The following NTRK1 variants were observed in gnomAD, a reference collection of about 807,000 sequenced individuals.
NTRK1 encodes high affinity nerve growth factor receptor.
In NTRK1, 62 loss-of-function variants were observed where a neutral mutation model predicts 86.8. The ratio of observed to expected loss-of-function variants is 0.71; its 90% CI spans 0.58 to 0.88. NTRK1 has a LOEUF of 0.88. Among genes scored for constraint, NTRK1 ranks in the 40% least tolerant of loss-of-function variants. The pLI is 0.00. For synonymous variants in NTRK1, 469 were observed against 456.6 expected, an observed-to-expected ratio of 1.03 and a Z score of -0.35; for missense variants, 967 against 1,078.4, an observed-to-expected ratio of 0.90 and a Z score of 1.45.
chr1:156,874,756 A>G (rs1571697413), intron 10 of NTRK1, 130 bp downstream of exon 10: 13 of 1,206,232 alleles, frequency 1.1e-5, no homozygotes, highest in Non-Finnish European at 1.6e-5. Flanking sequence ...GGCCACCCGC[A>G]CAGCCACTGC....
rs771963500 is a variant in NTRK1, at chr1:156,842,182, G to A, written c.39G>A (p.Leu13=). Residue 13 remains leucine, a synonymous_variant, in exon 2 of 17, where the codon TTG becomes TTA. Coordinates refer to the NTRK1 transcript ENST00000392302. Reference sequence around the variant, plus strand: ...CTGCTAGATCTCGGTGCACAAACTTGTTGGCAGCAAGGTAGGCCATGCCGT... The same window carrying A: ...CTGCTAGATCTCGGTGCACAAACTTATTGGCAGCAAGGTAGGCCATGCCGT... 21 of 1,613,902 alleles carry A rather than the reference G, an allele frequency of 1.3e-5. No individual in the cohort carries two copies. In the Admixed American group the frequency reaches 3.3e-4, roughly 26 times the overall value.
intron 1 of NTRK1, among the ~76,000 whole-genome samples, chr1:156,823,831 G>A (rs1193037464): frequency 6.6e-6 from 1 of 152,162 alleles, no homozygotes; most frequent in African/African-American, 2.4e-5. Flanking sequence ...TACAGGTGGC[G>A]GAAAGGAAAG....
chr1:156,869,016 CTCCCT>C (rs1199046117), intron 6 of NTRK1, among the ~76,000 whole-genome samples: 21,825 of 122,322 alleles, frequency 0.18, 3,875 homozygotes, highest in African/African-American at 0.21. Flanking sequence ...ACTTTTCTCT[CTCCCT>C]TCCTTCCTTC....
At chr1:156,840,427 GA>G (rs149230487) in intron 1 of NTRK1, 26,724 of 163,122 alleles carry the variant, frequency 0.16, 2,851 homozygotes, top group Non-Finnish European at 0.22. Context: ...CAGTCATGTG[GA>G]GCCCCACCCC....
intron 2 of NTRK1, chr1:156,846,649 C>A (rs1655022966): frequency 6.2e-7 from 1 of 1,614,162 alleles, no homozygotes; most frequent in Non-Finnish European, 8.5e-7. Flanking sequence ...AGGCTAGGGT[C>A]ACCCCTGGCT....
chr1:156,879,159 G>C lies in NTRK1; in HGVS notation c.1843G>C (p.Glu615Gln), dbSNP rs149663928. The C allele has an allele frequency of 6.2e-6, 10 of 1,613,742 alleles. No individual in the cohort carries two copies. Among genetic ancestry groups the C allele is most frequent in the Non-Finnish European group, 8.5e-6 (10 of 1,179,844 alleles). ...GPDAKLLAGG[E>Q]DVAPGPLGLG... is the part of the protein sequence containing the mutation. ...TGATGCCAAGCTGCTGGCTGGTGGG[G>C]AGGATGTGGCTCCAGGCCCCCTGGG... The change falls in exon 15 of 17, where the codon GAG becomes CAG. Residue 615 changes from glutamate to glutamine, a missense_variant. Physicochemically the swap from Glu to Gln is conservative, Grantham distance 29. This residue lies in a region of NTRK1 where 637 missense variants were observed against 776.5 expected (regional missense o/e 0.82). Transcript: ENST00000524377.
At chr1:156,866,783 G>T in intron 3 of NTRK1, 127 bp from the exon 4 acceptor site, 1 of 986,210 alleles carries the variant, frequency 1.0e-6, no homozygotes, top group Non-Finnish European at 1.6e-6. Flanking sequence ...GGCTGGTTCT[G>T]GTTGCCTAGG....
At chr1:156,874,803 C>A (rs2102911337) in intron 10 of NTRK1, 103 bp from the exon 11 acceptor site, 1 of 1,189,700 alleles carries the variant, frequency 8.4e-7, no homozygotes, top group Non-Finnish European at 1.3e-6. Context: ...GGTCTGGAGA[C>A]CTGGCTCCGG....
intron 2 of NTRK1, chr1:156,849,172 G>A: frequency 1.2e-6 from 2 of 1,601,218 alleles, no homozygotes; most frequent in East Asian, 2.2e-5. Context: ...TCCCCCTCGA[G>A]CTTTCTCCCT....
At chr1:156,817,335 T>C (rs1011063207) in intron 1 of NTRK1, among the ~76,000 whole-genome samples, 2 of 151,918 alleles carry the variant, frequency 1.3e-5, no homozygotes, top group Non-Finnish European at 2.9e-5. Flanking sequence ...GTAATCCCAG[T>C]ACTTTGGGAG....
At chr1:156,834,037 G>A (rs911466716) in intron 1 of NTRK1, among the ~76,000 whole-genome samples, 14 of 152,296 alleles carry the variant, frequency 9.2e-5, no homozygotes, top group African/African-American at 3.1e-4. Context: ...TTTCACACCA[G>A]TAAAGTCAAT....
Position 156,830,605 on chromosome 1 carries a change from G to GGA in NTRK1, c.-63-11474_-63-11473dup, listed in dbSNP as rs577869941. 3.4e-5 allele frequency among the ~76,000 whole-genome samples: 5 copies of GGA among 144,982 alleles called. No homozygotes were observed. The Admixed American group carries it at 3.5e-4, about 10-fold the overall frequency. On this transcript the variant is annotated intron_variant, in intron 1 of 16. Transcript: ENST00000392302. Reference sequence around the variant, plus strand: ...AGAGTCTCGCTCTGTTACCCAGGCTGGAGTGAAGTGGCGTGATCTCTGCTC... The same window carrying GGA: ...AGAGTCTCGCTCTGTTACCCAGGCTGGAGAGTGAAGTGGCGTGATCTCTGCTC...
In NTRK1 at chr1:156,852,158, G is replaced by T. The variant is rs566924575; in HGVS notation, c.50+9965G>T. The stretch of plus-strand genomic sequence containing the variant: ...TTCGGTGTGGCAGCACTCGCCCCTC[G>T]CTGTGCAAGCCATCCCATGGGGGCA... On this transcript the variant is annotated intron_variant, in intron 2 of 16. Coordinates refer to the NTRK1 transcript ENST00000392302. 27 of 1,608,106 alleles carry T rather than the reference G, an allele frequency of 1.7e-5. No homozygotes were observed. In the East Asian group the frequency reaches 5.1e-4, roughly 31 times the overall value.
At chr1:156,820,530 A>G (rs1654156410) in intron 1 of NTRK1, among the ~76,000 whole-genome samples, 1 of 152,196 alleles carries the variant, frequency 6.6e-6, no homozygotes, top group Admixed American at 6.5e-5. Flanking sequence ...TACAGGCGTG[A>G]GCCACCACAT....
rs753397054 is a variant in NTRK1, at chr1:156,881,552, G to A, written c.2301G>A (p.Glu767=). Residue 767 remains glutamate (E), a synonymous_variant, in exon 17 of 17, where the codon GAG becomes GAA. Coordinates refer to ENST00000524377, the MANE Select transcript of NTRK1 (RefSeq NM_002529.4). The stretch of plus-strand genomic sequence containing the variant: ...TCATGCGGGGCTGCTGGCAGCGGGA[G>A]CCCCAGCAACGCCACAGCATCAAGG... ...YAIMRGCWQR[E]PQQRHSIKDV... 4 of 1,609,764 alleles carry A rather than the reference G, an allele frequency of 2.5e-6. No homozygotes were observed. Among genetic ancestry groups the A allele is most frequent in the East Asian group, 2.2e-5 (1 of 44,708 alleles).
At chr1:156,872,970 C>A (rs998636108) in intron 7 of NTRK1, among the ~76,000 whole-genome samples, 11 of 151,696 alleles carry the variant, frequency 7.3e-5, no homozygotes, top group African/African-American at 2.2e-4. Flanking sequence ...AGCCACCGCG[C>A]CTGGCCCAGA....
intron 1 of NTRK1, chr1:156,840,624 T>C (rs532079681): frequency 6.5e-4 from 365 of 558,204 alleles, no homozygotes; most frequent in African/African-American, 6.3e-3. Flanking sequence ...CATCTCTCCC[T>C]GACCTGATCT....
At chr1:156,871,820 G>A (rs1558102863) in intron 7 of NTRK1, 65 bp downstream of exon 7, 1 of 1,606,626 alleles carries the variant, frequency 6.2e-7, no homozygotes, top group South Asian at 1.1e-5. Context: ...AAAAGAGGAT[G>A]TAGGGTGGGG....
chr1:156,853,778 C>T (rs369081661), intron 2 of NTRK1: 2 of 1,605,806 alleles, frequency 1.2e-6, no homozygotes, highest in African/African-American at 1.3e-5. Context: ...GGAGGTCCAG[C>T]ATCTGTAGTC....
Sources: allele counts gnomAD v4.1 joint callset (sites outside exome capture counted in the v4.1 genomes callset), GRCh38; gene constraint gnomAD v4.1.1; regional missense constraint gnomAD v4.1.1; transcripts MANE v1.5; gene names NCBI Gene and HGNC (gene_info 2026-07-23, HGNC 2026-07-21).